SEC14L5: variants seen among roughly 807,000 people sequenced by gnomAD.
SEC14L5 encodes SEC14-like protein 5.
SEC14L5 carries 96 observed loss-of-function variants against 84.6 expected under a neutral mutation model. The ratio of observed to expected loss-of-function variants is 1.13; its 90% CI spans 0.96 to 1.34. SEC14L5 has a LOEUF of 1.34. SEC14L5 is among the 40% of genes most tolerant of loss of function. SEC14L5 has a pLI of 0.00. For missense variants in SEC14L5, 1,224 were observed against 942.5 expected, an observed-to-expected ratio of 1.30 and a Z score of -3.91; for synonymous variants, 546 against 383.4, an observed-to-expected ratio of 1.42 and a Z score of -4.95.
Position 5,011,099 on chromosome 16 carries a change from C to T in SEC14L5, c.1805C>T (p.Ser602Phe). ...VCREGESIQGSHVTRWPGVYL... is the reference protein window; with the variant it reads ...VCREGESIQGFHVTRWPGVYL... The stretch of plus-strand genomic sequence containing the variant: ...GGCAGGGCTGATGTGTTTCAGGGCT[C>T]CCATGTGACCCGGTGGCCCGGCGTC... The change falls in exon 15 of 16, where the codon TCC becomes TTC. Residue 602 changes from serine (S) to phenylalanine (F), a missense_variant. Coordinates refer to ENST00000251170, the MANE Select transcript of SEC14L5 (RefSeq NM_014692.2). The T allele has an allele frequency of 1.3e-6, 2 of 1,598,692 alleles. No individual in the cohort carries two copies. The highest frequency in any genetic ancestry group is 1.7e-6 in the Non-Finnish European group (2 of 1,173,020).
intron 10 of SEC14L5, among the ~76,000 whole-genome samples, chr16:5,001,620 A>T (rs1955679200): frequency 6.6e-6 from 1 of 152,084 alleles, no homozygotes; most frequent in Admixed American, 6.6e-5. Flanking sequence ...GTCATGGCAC[A>T]TCCAGGAACC....
chr16:4,987,763 G>A (rs1355418826), intron 3 of SEC14L5, 57 bp downstream of exon 3: 20 of 1,338,674 alleles, frequency 1.5e-5, no homozygotes, highest in Non-Finnish European at 1.8e-5. Flanking sequence ...AGGTGCGGGA[G>A]GGCTGGGCGC....
Position 4,959,269 on chromosome 16 carries a change from C to A in SEC14L5, c.-51-4C>A, listed in dbSNP as rs1249174377. ...GCAACCTCACCAGTCACTCCTCGCC[C>A]CAGGCTCTGTGCACACCCCTGCCTG... On this transcript the variant is annotated splice_region_variant and splice_polypyrimidine_tract_variant and intron_variant, in intron 1 of 15. Coordinates refer to ENST00000251170, the MANE Select transcript of SEC14L5 (RefSeq NM_014692.2). 7.7e-6 allele frequency: 11 copies of A among 1,432,046 alleles called. No individual in the cohort carries two copies. Among genetic ancestry groups the A allele is most frequent in the Non-Finnish European group, 1.1e-5 (11 of 1,014,352 alleles). The allele number at this position is 1,432,046 out of a possible 1,614,324, so 88.7% of individuals were successfully genotyped here. A position where few individuals can be genotyped will look rare whatever the true frequency, so the allele number is the denominator to read the frequency against.
At chr16:4,985,200 CT>C (rs1181864651) in intron 2 of SEC14L5, among the ~76,000 whole-genome samples, 1 of 151,892 alleles carries the variant, frequency 6.6e-6, no homozygotes, top group African/African-American at 2.4e-5. Flanking sequence ...TTAAAAAATG[CT>C]TTTAAAAAAT....
intron 13 of SEC14L5, 83 bp from the exon 14 acceptor site, chr16:5,008,338 C>A: frequency 1.0e-6 from 1 of 1,001,812 alleles, no homozygotes. Context: ...AGGGGGCACC[C>A]ACAGCCCCTC....
Position 4,993,786 on chromosome 16 carries a change from T to C in SEC14L5, c.667+1756T>C, listed in dbSNP as rs112273409. On this transcript the variant is annotated intron_variant, in intron 6 of 15. Coordinates refer to ENST00000251170, the MANE Select transcript of SEC14L5 (RefSeq NM_014692.2). ...GCTTCCAATGAGGTTGTACCAATCA[T>C]TGTTCCCACTGAATGTGTAATTGCA... Among the ~76,000 whole-genome samples, 1,194 of 152,330 alleles carry C rather than the reference T, an allele frequency of 7.8e-3. 3 individuals are homozygous for C. Among genetic ancestry groups the C allele is most frequent in the Non-Finnish European group, 0.014 (983 of 68,024 alleles).
At chr16:5,002,149 A>G (rs542581152) in intron 10 of SEC14L5, among the ~76,000 whole-genome samples, 1 of 152,200 alleles carries the variant, frequency 6.6e-6, no homozygotes, top group African/African-American at 2.4e-5. Flanking sequence ...TGCACTTGCT[A>G]TGTAGCAGGT....
intron 2 of SEC14L5, among the ~76,000 whole-genome samples, chr16:4,968,057 T>TA (rs998822865): frequency 2.7e-5 from 4 of 148,230 alleles, no homozygotes; most frequent in African/African-American, 9.9e-5. Context: ...CTTGCTCTGT[T>TA]ACTCAAGCTG....
At chr16:4,970,661 G>C (rs1440953063) in intron 2 of SEC14L5, among the ~76,000 whole-genome samples, 2 of 152,224 alleles carry the variant, frequency 1.3e-5, no homozygotes, top group Admixed American at 6.5e-5. Flanking sequence ...ACGTGAGTGA[G>C]ACTCTGCAGT....
chr16:4,973,178 G>T (rs1331248330), intron 2 of SEC14L5, among the ~76,000 whole-genome samples: 1 of 152,174 alleles, frequency 6.6e-6, no homozygotes, highest in Non-Finnish European at 1.5e-5. Context: ...TGGCAGAGCT[G>T]GGGTCACATG....
At chr16:5,013,837 C>T (rs1010475132) in intron 15 of SEC14L5, among the ~76,000 whole-genome samples, 1 of 152,136 alleles carries the variant, frequency 6.6e-6, no homozygotes. Context: ...GGATTACAGG[C>T]ATGAGCCACT....
chr16:4,971,843 T>C (rs376743632), intron 2 of SEC14L5, among the ~76,000 whole-genome samples: 13 of 152,298 alleles, frequency 8.5e-5, no homozygotes, highest in African/African-American at 2.9e-4. Context: ...TTGAGAAATA[T>C]TGGCTGAACG....
At chr16:4,990,544 C>T (rs1188683476) in intron 4 of SEC14L5, among the ~76,000 whole-genome samples, 4 of 152,232 alleles carry the variant, frequency 2.6e-5, no homozygotes, top group Non-Finnish European at 5.9e-5. Context: ...GACCCACATT[C>T]TCCCGGCTTC....
chr16:4,978,595 T>A (rs1473661647), intron 2 of SEC14L5, among the ~76,000 whole-genome samples: 1 of 149,400 alleles, frequency 6.7e-6, no homozygotes, highest in Non-Finnish European at 1.5e-5. Flanking sequence ...ATTTTCTTTT[T>A]TAAAAATATT....
chr16:5,008,380 C>T (rs766284364), intron 13 of SEC14L5, 41 bp from the exon 14 acceptor site: 36 of 1,463,266 alleles, frequency 2.5e-5, no homozygotes, highest in South Asian at 4.7e-5. Context: ...CAGCTCTACT[C>T]TCTCGGCCGT....
At chr16:4,966,035 C>G (rs1251915270) in intron 2 of SEC14L5, among the ~76,000 whole-genome samples, 1 of 151,892 alleles carries the variant, frequency 6.6e-6, no homozygotes, top group Non-Finnish European at 1.5e-5. Context: ...GAGTGAGACC[C>G]TGCCTCAAAA....
chr16:4,970,602 C>T (rs1423883100), intron 2 of SEC14L5, among the ~76,000 whole-genome samples: 3 of 152,204 alleles, frequency 2.0e-5, no homozygotes, highest in Non-Finnish European at 4.4e-5. Context: ...CTCCCGGAGC[C>T]ATCAGGGGAA....
intron 11 of SEC14L5, among the ~76,000 whole-genome samples, chr16:5,005,511 G>A (rs1179013740): frequency 6.6e-6 from 1 of 151,916 alleles, no homozygotes; most frequent in Non-Finnish European, 1.5e-5. Flanking sequence ...GAAAGCCACT[G>A]AACTGTGCAC....
At chr16:4,996,606 C>G (rs561780628) in intron 7 of SEC14L5, 146 bp downstream of exon 7, 3 of 626,308 alleles carry the variant, frequency 4.8e-6, no homozygotes, top group Middle Eastern at 4.3e-4. Flanking sequence ...TTCTGTGAGA[C>G]AAAGTCTCAC....
Sources: allele counts gnomAD v4.1 joint callset (sites outside exome capture counted in the v4.1 genomes callset), GRCh38; gene constraint gnomAD v4.1.1; transcripts MANE v1.5; gene names NCBI Gene and HGNC (gene_info 2026-07-23, HGNC 2026-07-21).